Variants in EPB41L5 observed in about 807,000 individuals in gnomAD.
EPB41L5 encodes erythrocyte membrane protein band 4.1 like 5.
A neutral mutation model predicts 106.6 loss-of-function variants in EPB41L5; 55 were observed. That is an observed-to-expected ratio of 0.52 (90% CI 0.42 to 0.65). EPB41L5 has a LOEUF of 0.65. EPB41L5 is among the 30% of genes least tolerant of loss of function. The pLI is 0.00. For missense variants in EPB41L5, 871 were observed against 882.1 expected, an observed-to-expected ratio of 0.99 and a Z score of 0.16; for synonymous variants, 297 against 306.7, an observed-to-expected ratio of 0.97 and a Z score of 0.33.
chr2:120,132,564 G>A (rs1039024753), intron 18 of EPB41L5, among the ~76,000 whole-genome samples: 5 of 152,148 alleles, frequency 3.3e-5, no homozygotes, highest in African/African-American at 1.2e-4. Context: ...TGTCTTTCGG[G>A]ATCCAAGCCT....
intron 20 of EPB41L5, among the ~76,000 whole-genome samples, chr2:120,154,095 GT>G (rs202152737): frequency 0.011 from 1,615 of 140,466 alleles, 26 homozygotes; most frequent in African/African-American, 0.03. Context: ...TTTGTTTAAC[GT>G]TTTTTTTTTT....
chr2:120,028,055 G>T (rs1426909329), intron 2 of EPB41L5, among the ~76,000 whole-genome samples: 4 of 151,898 alleles, frequency 2.6e-5, no homozygotes, highest in Non-Finnish European at 5.9e-5. Context: ...GTAGAGAAAG[G>T]GTTTCACCAT....
At chr2:120,068,564 C>T (rs1558843410) in intron 3 of EPB41L5, among the ~76,000 whole-genome samples, 1 of 152,178 alleles carries the variant, frequency 6.6e-6, no homozygotes, top group Non-Finnish European at 1.5e-5. Flanking sequence ...GGCGGTTTTC[C>T]CCTCACAGTA....
At chr2:120,039,109 A>G (rs1679228572) in intron 2 of EPB41L5, among the ~76,000 whole-genome samples, 2 of 152,240 alleles carry the variant, frequency 1.3e-5, no homozygotes, top group South Asian at 4.1e-4. Context: ...TGTGAGATAC[A>G]TGGAATAGGC....
rs374741646 is a variant in EPB41L5, at chr2:120,014,492, A to G, written c.-9+1282A>G. ...GTGAGTGGGGGAAGTAGTCAGTAAAAAAGATAATAATTAACAGATATTTAA... is the reference window on the plus strand; with the variant it reads ...GTGAGTGGGGGAAGTAGTCAGTAAAGAAGATAATAATTAACAGATATTTAA... On this transcript the variant is annotated intron_variant, in intron 1 of 24. Transcript: ENST00000263713. Among the ~76,000 whole-genome samples, 8 of 152,354 alleles carry G rather than the reference A, an allele frequency of 5.3e-5. No homozygotes were observed. The East Asian group carries it at 1.5e-3, about 29-fold the overall frequency.
At chr2:120,031,731 A>C (rs1457163379) in intron 2 of EPB41L5, among the ~76,000 whole-genome samples, 2 of 152,190 alleles carry the variant, frequency 1.3e-5, no homozygotes, top group Non-Finnish European at 2.9e-5. Flanking sequence ...CTGGCTTTAC[A>C]CTAATTAGAA....
chr2:120,088,475 C>A (rs1322075749), intron 11 of EPB41L5, among the ~76,000 whole-genome samples: 1 of 152,078 alleles, frequency 6.6e-6, no homozygotes, highest in East Asian at 1.9e-4. Flanking sequence ...GAAAAGATAA[C>A]TAACTGAAAG....
intron 3 of EPB41L5, among the ~76,000 whole-genome samples, chr2:120,046,966 G>A (rs556406697): frequency 1.3e-5 from 2 of 152,202 alleles, no homozygotes; most frequent in East Asian, 3.9e-4. Context: ...AGATCAGATG[G>A]TTGTAGATGT....
rs987104763 is a variant in EPB41L5 at position 120,128,292 on chromosome 2, T to C, written c.1501+441T>C. ...ACACACACACACACACACACACACA[T>C]TTTTGAAGGTTAAAAGGAGACAGTA... On this transcript the variant is annotated intron_variant, in intron 17 of 24. Coordinates refer to ENST00000263713, the MANE Select transcript of EPB41L5 (RefSeq NM_020909.4). Among the ~76,000 whole-genome samples the C allele has an allele frequency of 1.2e-3, 115 of 95,092 alleles. No individual in the cohort carries two copies. The East Asian group carries it at 0.04, about 33-fold the overall frequency. The allele number at this position is 95,092 out of a possible 152,430, so 62.4% of individuals were successfully genotyped here.
At chr2:120,073,044 A>G (rs1380538808) in intron 3 of EPB41L5, 134 bp from the exon 4 acceptor site, 18 of 704,580 alleles carry the variant, frequency 2.6e-5, no homozygotes, top group Non-Finnish European at 3.5e-5. Context: ...TTTCTCATTC[A>G]CTTGGGTTTT....
chr2:120,124,955 T>C (rs566056883), intron 16 of EPB41L5, among the ~76,000 whole-genome samples: 4 of 152,310 alleles, frequency 2.6e-5, no homozygotes, highest in African/African-American at 9.6e-5. Context: ...CTTTTTCCTG[T>C]GTAATCTGTG....
At position 120,174,915 on chromosome 2, in the gene EPB41L5, T is replaced by C. The variant is rs185019697; in HGVS notation, c.*8T>C. 6.2e-7 allele frequency: 1 copy of C among 1,613,352 alleles called. No homozygotes were observed. Among genetic ancestry groups the C allele is most frequent in the Admixed American group, 1.7e-5 (1 of 60,026 alleles). ...CTGACCACTGAGCTCTGAGGGCCTGTAGCTGGAATACGCATCTCTCCAGCA... is the reference window on the plus strand; with the variant it reads ...CTGACCACTGAGCTCTGAGGGCCTGCAGCTGGAATACGCATCTCTCCAGCA... On this transcript the variant is annotated 3_prime_UTR_variant, in exon 25 of 25. Transcript: ENST00000263713.
At chr2:120,164,640 C>G (rs995037652) in intron 21 of EPB41L5, among the ~76,000 whole-genome samples, 196 bp from the exon 22 acceptor site, 1 of 152,160 alleles carries the variant, frequency 6.6e-6, no homozygotes, top group Non-Finnish European at 1.5e-5. Context: ...TTTTTCACAT[C>G]CTGATTGTAG....
intron 20 of EPB41L5, among the ~76,000 whole-genome samples, chr2:120,147,225 T>C (rs964028707): frequency 2.0e-5 from 3 of 152,140 alleles, no homozygotes; most frequent in African/African-American, 4.8e-5. Flanking sequence ...TGATCCACGC[T>C]GTAGGCCTAG....
chr2:120,115,310 C>G (rs1684897258), intron 16 of EPB41L5, among the ~76,000 whole-genome samples: 1 of 152,098 alleles, frequency 6.6e-6, no homozygotes, highest in African/African-American at 2.4e-5. Flanking sequence ...TATGTCATGT[C>G]TTTTTTTGTT....
intron 20 of EPB41L5, among the ~76,000 whole-genome samples, chr2:120,159,478 C>T (rs1687052103): frequency 6.7e-6 from 1 of 149,578 alleles, no homozygotes. Context: ...GCCATATTGC[C>T]CAAAGCAATT....
At chr2:120,104,967 C>T in intron 16 of EPB41L5, 1 of 983,082 alleles carries the variant, frequency 1.0e-6, no homozygotes, top group Non-Finnish European at 1.2e-6. Flanking sequence ...CTGAATGGTT[C>T]TATAAAATGA....
intron 20 of EPB41L5, among the ~76,000 whole-genome samples, chr2:120,151,720 G>A (rs191835605): frequency 1.1e-3 from 171 of 151,158 alleles, no homozygotes; most frequent in African/African-American, 3.8e-3. Context: ...GGGTTCAAGC[G>A]ATTCTCCTGC....
At chr2:120,172,009 T>TAAA (rs753429042) in intron 24 of EPB41L5, among the ~76,000 whole-genome samples, 9 of 109,220 alleles carry the variant, frequency 8.2e-5, no homozygotes, top group African/African-American at 2.7e-4. Context: ...ACAGGAAACT[T>TAAA]AAAAAAAAAA....
Sources: allele counts gnomAD v4.1 joint callset (sites outside exome capture counted in the v4.1 genomes callset), GRCh38; gene constraint gnomAD v4.1.1; transcripts MANE v1.5; gene names NCBI Gene and HGNC (gene_info 2026-07-23, HGNC 2026-07-21).